The following ZNF280D variants were observed in gnomAD, a reference collection of about 807,000 sequenced individuals.
ZNF280D encodes suppressor of hairy wing homolog 4.
ZNF280D carries 39 observed loss-of-function variants against 94.7 expected under a neutral mutation model. The ratio of observed to expected loss-of-function variants is 0.41; its 90% CI spans 0.32 to 0.54. The LOEUF (loss-of-function observed/expected upper bound fraction) is 0.54. ZNF280D is among the 20% of genes least tolerant of loss of function. The pLI is 0.22. For synonymous variants in ZNF280D, 398 were observed against 377.6 expected (o/e 1.05, Z -0.63); for missense variants, 1,090 against 1,149.3 (o/e 0.95, Z 0.75).
At position 56,689,403 on chromosome 15, in the gene ZNF280D, C is replaced by T; in HGVS notation, c.567G>A (p.Lys189=). 1 of 1,601,348 alleles carries T rather than the reference C, an allele frequency of 6.2e-7. No individual in the cohort carries two copies. The highest frequency in any genetic ancestry group is 8.5e-7 in the Non-Finnish European group (1 of 1,173,712). The stretch of plus-strand genomic sequence containing the variant: ...AAACACTTTCGCTGGGTTTAGGCTT[C>T]TTTGGATTAACATTATTTACTTCAG... ...STSEVNNVNP[K]KPKPSESVSG... The change falls in exon 8 of 22, where the codon AAG becomes AAA. Residue 189 remains lysine, a synonymous_variant. Coordinates refer to ENST00000267807, the MANE Select transcript of ZNF280D (RefSeq NM_017661.4).
chr15:56,691,312 CGATTACT>C (rs1334556007), intron 7 of ZNF280D, among the ~76,000 whole-genome samples: 6 of 151,992 alleles, frequency 3.9e-5, no homozygotes, highest in Non-Finnish European at 1.5e-5. Context: ...TCAAAATACT[CGATTACT>C]GATAGATATA....
intron 19 of ZNF280D, among the ~76,000 whole-genome samples, chr15:56,647,674 G>A (rs1005132324): frequency 6.6e-6 from 1 of 152,064 alleles, no homozygotes; most frequent in Non-Finnish European, 1.5e-5. Context: ...TGGGATTACA[G>A]TCACACCACA....
At chr15:56,649,535 G>A (rs545336255) in intron 19 of ZNF280D, among the ~76,000 whole-genome samples, 1 of 151,950 alleles carries the variant, frequency 6.6e-6, no homozygotes, top group East Asian at 1.9e-4. Flanking sequence ...GAGAATCTAG[G>A]GGCTAAAATC....
chr15:56,658,619 T>C lies in ZNF280D; in HGVS notation c.1995-133A>G, dbSNP rs1426189552. ...ATAATGTAAATAATAAAATAATGCC[T>C]GTCACTTCCATTTAATTCAATATTT... On this transcript the variant is annotated intron_variant, in intron 16 of 21. Transcript: ENST00000267807. The C allele has an allele frequency of 5.2e-6, 3 of 581,780 alleles. No individual in the cohort carries two copies. In the Admixed American group the frequency reaches 1.1e-4, roughly 22 times the overall value. 36.0% of individuals were successfully genotyped at this position (581,780 alleles called of 1,614,324 possible).
chr15:56,685,216 G>A (rs1288966319), intron 9 of ZNF280D, among the ~76,000 whole-genome samples: 2 of 152,040 alleles, frequency 1.3e-5, no homozygotes, highest in East Asian at 3.9e-4. Context: ...CCTCCTAAAT[G>A]AAATTACTAC....
At chr15:56,659,288 C>T (rs572967734) in intron 16 of ZNF280D, among the ~76,000 whole-genome samples, 1 of 151,466 alleles carries the variant, frequency 6.6e-6, no homozygotes, top group Non-Finnish European at 1.5e-5. Flanking sequence ...TTCTATATAC[C>T]CTTTTTAATT....
In ZNF280D at chr15:56,634,762, T is replaced by C. The variant is rs1356337724; in HGVS notation, c.2315+433A>G. On this transcript the variant is annotated intron_variant, in intron 21 of 21. Coordinates refer to ENST00000267807, the MANE Select transcript of ZNF280D (RefSeq NM_017661.4). ...TATGAAAATTTTAAAAGCCAAACCC[T>C]GAGTTTTGAAACTATTGTGATCCTA... 4.6e-5 allele frequency among the ~76,000 whole-genome samples: 7 copies of C among 152,230 alleles called. No individual in the cohort carries two copies. In the East Asian group the frequency reaches 1.3e-3, roughly 29 times the overall value.
intron 19 of ZNF280D, among the ~76,000 whole-genome samples, chr15:56,645,778 C>T (rs1352024976): frequency 7.9e-5 from 12 of 152,116 alleles, no homozygotes; most frequent in Non-Finnish European, 1.5e-4. Flanking sequence ...AACTCCTGAC[C>T]TCAGGTGATC....
At position 56,707,756 on chromosome 15, in the gene ZNF280D, C is replaced by G. The variant is rs531026291; in HGVS notation, c.-85-450G>C. ...ATCAACCGAAAGGGAACAGAAAATT[C>G]ATTGGAAATATTTCATCATAGATTA... On this transcript the variant is annotated intron_variant, in intron 1 of 21. Coordinates refer to ENST00000267807, the MANE Select transcript of ZNF280D (RefSeq NM_017661.4). Among the ~76,000 whole-genome samples the G allele has an allele frequency of 8.5e-5, 13 of 152,088 alleles. 1 individual carries two copies. The highest frequency in any genetic ancestry group is 3.1e-4 in the African/African-American group (13 of 41,510).
intron 17 of ZNF280D, chr15:56,654,916 G>A (rs1232394608): frequency 2.4e-6 from 1 of 411,800 alleles, no homozygotes; most frequent in East Asian, 7.4e-5. Flanking sequence ...GTACTACTAG[G>A]TATTGTGAAT....
At chr15:56,674,846 A>G (rs1325139989) in intron 13 of ZNF280D, among the ~76,000 whole-genome samples, 3 of 152,044 alleles carry the variant, frequency 2.0e-5, no homozygotes, top group Non-Finnish European at 4.4e-5. Flanking sequence ...TAAAATCACT[A>G]AAGACATAAT....
intron 1 of ZNF280D, among the ~76,000 whole-genome samples, chr15:56,722,140 T>G (rs2058401161): frequency 6.6e-6 from 1 of 152,184 alleles, no homozygotes; most frequent in Non-Finnish European, 1.5e-5. Context: ...ACACACACAT[T>G]ATTATATAAG....
At chr15:56,688,257 T>C (rs1169438112) in intron 9 of ZNF280D, among the ~76,000 whole-genome samples, 1 of 151,826 alleles carries the variant, frequency 6.6e-6, no homozygotes, top group Non-Finnish European at 1.5e-5. Flanking sequence ...CTTTAGGAGG[T>C]TGAGGCGGGC....
rs749811290 is a variant in ZNF280D, at chr15:56,666,846, T to C, written c.1686A>G (p.Thr562=). The C allele has an allele frequency of 1.5e-5, 24 of 1,613,844 alleles. No individual in the cohort carries two copies. The highest frequency in any genetic ancestry group is 3.3e-4 in the Middle Eastern group (2 of 6,082). Reference sequence around the variant, plus strand: ...TGGATTTGACTGTATTAGGTTTACTTGTATTAGATTTTGCAGGATTTTTAG... The same window carrying C: ...TGGATTTGACTGTATTAGGTTTACTCGTATTAGATTTTGCAGGATTTTTAG... ...ITAKNPAKSN[T]SKPNTVKSNA... is the part of the protein sequence containing the mutation. Residue 562 remains threonine (T), a synonymous_variant, in exon 15 of 22, where the codon ACA becomes ACG. Coordinates refer to ENST00000267807, the MANE Select transcript of ZNF280D (RefSeq NM_017661.4).
intron 9 of ZNF280D, among the ~76,000 whole-genome samples, chr15:56,685,788 G>C (rs1028876278): frequency 1.3e-5 from 2 of 151,968 alleles, no homozygotes; most frequent in Non-Finnish European, 2.9e-5. Flanking sequence ...CACACATAAA[G>C]CAACCACATT....
intron 6 of ZNF280D, chr15:56,697,772 T>G (rs188204290): frequency 3.3e-5 from 5 of 152,260 alleles, no homozygotes; most frequent in East Asian, 1.9e-4. Flanking sequence ...TAATATTTAT[T>G]TATTCATTTT....
At chr15:56,729,991 C>A (rs1456068239) in intron 1 of ZNF280D, 1 of 151,932 alleles carries the variant, frequency 6.6e-6, no homozygotes, top group East Asian at 1.9e-4. Context: ...TATTGAAATT[C>A]TTATTAAAAG....
chr15:56,691,996 T>TTAC (rs1453165074), intron 7 of ZNF280D, among the ~76,000 whole-genome samples: 1 of 152,146 alleles, frequency 6.6e-6, no homozygotes, highest in African/African-American at 2.4e-5. Flanking sequence ...ATCATCCCAC[T>TTAC]TACTGCTCAG....
intron 4 of ZNF280D, among the ~76,000 whole-genome samples, chr15:56,703,399 G>GC (rs1482440276): frequency 1.3e-5 from 2 of 152,194 alleles, no homozygotes; most frequent in African/African-American, 4.8e-5. Context: ...ACATTTTGTA[G>GC]CCACGTATAG....
Sources: allele counts gnomAD v4.1 joint callset (sites outside exome capture counted in the v4.1 genomes callset), GRCh38; gene constraint gnomAD v4.1.1; transcripts MANE v1.5; gene names NCBI Gene and HGNC (gene_info 2026-07-23, HGNC 2026-07-21).